The following ESYT3 variants were observed in gnomAD, a reference collection of about 807,000 sequenced individuals.
ESYT3 encodes extended synaptotagmin-3.
Under a neutral mutation model 111.5 loss-of-function variants are expected in ESYT3, and 101 were observed. That is an observed-to-expected ratio of 0.91 (90% CI 0.77 to 1.07). ESYT3 has a LOEUF of 1.07. ESYT3 is among the 50% of genes least tolerant of loss of function. The pLI is 0.00. For synonymous variants in ESYT3, 416 were observed against 446.8 expected (o/e 0.93, Z 0.87); for missense variants, 1,097 against 1,109.4 (o/e 0.99, Z 0.16).
rs1319929708 is a variant in ESYT3 at position 138,435,820 on chromosome 3, C to T, written c.327+695C>T. Among the ~76,000 whole-genome samples, 1 of 152,232 alleles carries T rather than the reference C, an allele frequency of 6.6e-6. No homozygotes were observed. Among genetic ancestry groups the T allele is most frequent in the East Asian group, 1.9e-4 (1 of 5,192 alleles). The stretch of plus-strand genomic sequence containing the variant: ...TACCTAACAAAACCCAAGTTCTGGG[C>T]CCCATTGCATAACTCCCAGGGTGGC... On this transcript the variant is annotated intron_variant, in intron 1 of 22. Transcript: ENST00000389567. The surrounding 1 kb of genome is among the most constrained non-coding windows in gnomAD (Gnocchi z 4.8).
At chr3:138,445,757 C>T (rs1374972215) in intron 1 of ESYT3, among the ~76,000 whole-genome samples, 4 of 152,192 alleles carry the variant, frequency 2.6e-5, no homozygotes, top group African/African-American at 9.7e-5. Context: ...TATTCTGATC[C>T]AGGAAGGATA....
intron 8 of ESYT3, 38 bp from the exon 9 acceptor site, chr3:138,464,307 G>A (rs200551433): frequency 2.5e-6 from 4 of 1,609,318 alleles, no homozygotes; most frequent in East Asian, 4.5e-5. Flanking sequence ...GGAGGCCCCA[G>A]GAAGCAGCTG....
downstream of ESYT3, chr3:138,480,545 A>T (rs1180078616): frequency 6.6e-6 from 1 of 152,018 alleles, no homozygotes; most frequent in East Asian, 1.9e-4. Flanking sequence ...ATACAATGTT[A>T]AAAAAACTGT....
In ESYT3 at chr3:138,472,648, T is replaced by TAA. The variant is rs768240725; in HGVS notation, c.2026_2027insAA (p.Cys676Ter). Residue 676 changes from cysteine (C) to a stop codon, truncating the protein, a stop_gained and frameshift_variant, in exon 18 of 23, where the codon TGT (cysteine) becomes TAAGT (stop). Coordinates refer to ENST00000389567, the MANE Select transcript of ESYT3 (RefSeq NM_031913.5). LOFTEE classifies it high-confidence loss of function. ...PKGKDSAKRFCEPIGEKKSPA... is the reference protein window; with the variant it reads ...PKGKDSAKRF ...AGGCAAGGACAGTGCCAAAAGGTTC[T>TAA]GTGAGCCCATCGGGGAGAAGAAGAG... is the stretch of plus-strand genomic sequence containing the variant. 2 of 1,614,236 alleles carry TAA rather than the reference T, an allele frequency of 1.2e-6. No individual in the cohort carries two copies. Among genetic ancestry groups the TAA allele is most frequent in the South Asian group, 2.2e-5 (2 of 91,084 alleles).
intron 20 of ESYT3, 98 bp from the exon 21 acceptor site, chr3:138,476,125 T>C: frequency 2.6e-6 from 2 of 779,016 alleles, no homozygotes; most frequent in Non-Finnish European, 4.5e-6. Context: ...TAATAGTCTG[T>C]ACCTTTCTGT....
intron 14 of ESYT3, 51 bp from the exon 15 acceptor site, chr3:138,469,385 A>G: frequency 6.5e-7 from 1 of 1,529,392 alleles, no homozygotes; most frequent in Non-Finnish European, 9.1e-7. Flanking sequence ...GACTGTCTCA[A>G]GCTGATATTG....
chr3:138,468,178 A>T lies in ESYT3; in HGVS notation c.1292A>T (p.Gln431Leu). 1 of 1,614,106 alleles carries T rather than the reference A, an allele frequency of 6.2e-7. No individual in the cohort carries two copies. Residue 431 changes from glutamine (Q) to leucine (L), a missense_variant, in exon 12 of 23, where the codon CAA (glutamine) becomes CTA (leucine). Coordinates refer to ENST00000389567, the MANE Select transcript of ESYT3 (RefSeq NM_031913.5). ...RLEWLSLLTD[Q>L]EVLTEDHGGL... Reference sequence around the variant, plus strand: ...GAGTGGCTTTCATTGCTTACTGACCAAGAAGTTCTGACTGAGGTGAGTGTG... The same window carrying T: ...GAGTGGCTTTCATTGCTTACTGACCTAGAAGTTCTGACTGAGGTGAGTGTG...
In ESYT3 at chr3:138,467,546, C is replaced by G. The variant is rs1313634690; in HGVS notation, c.1170-15C>G. On this transcript the variant is annotated splice_polypyrimidine_tract_variant and intron_variant, in intron 10 of 22. Transcript: ENST00000389567. The stretch of plus-strand genomic sequence containing the variant: ...CCTCTGAGCTGACCCAATCCCCTCT[C>G]CCTGTATATTCCAGCCTGCAGATCT... The G allele has an allele frequency of 6.2e-7, 1 of 1,614,114 alleles. No individual in the cohort carries two copies. Among genetic ancestry groups the G allele is most frequent in the Non-Finnish European group, 8.5e-7 (1 of 1,179,978 alleles).
chr3:138,463,053 G>C (rs544931338), intron 8 of ESYT3, among the ~76,000 whole-genome samples: 7 of 152,276 alleles, frequency 4.6e-5, no homozygotes, highest in African/African-American at 1.7e-4. Flanking sequence ...ATAGATGGCA[G>C]CATAGTAGAG....
intron 1 of ESYT3, among the ~76,000 whole-genome samples, chr3:138,441,600 G>A (rs1027076889): frequency 3.3e-5 from 5 of 152,134 alleles, no homozygotes; most frequent in Non-Finnish European, 5.9e-5. Flanking sequence ...GGGAGCAGGG[G>A]CTGAGACCTG....
chr3:138,448,266 TAAAAA>T (rs71146126), intron 1 of ESYT3, among the ~76,000 whole-genome samples: 16 of 44,608 alleles, frequency 3.6e-4, no homozygotes, highest in African/African-American at 1.3e-3. Flanking sequence ...AAACTCGATC[TAAAAA>T]AAAAAAAAAA....
intron 1 of ESYT3, among the ~76,000 whole-genome samples, chr3:138,439,631 A>C (rs908362379): frequency 5.3e-5 from 8 of 152,118 alleles, no homozygotes; most frequent in African/African-American, 1.9e-4. Context: ...TCATTCAGCC[A>C]TTGATCAGTG....
In ESYT3 at chr3:138,457,586, G is replaced by T; in HGVS notation, c.523G>T (p.Val175Phe). 1 of 1,614,180 alleles carries T rather than the reference G, an allele frequency of 6.2e-7. No individual in the cohort carries two copies. The highest frequency in any genetic ancestry group is 8.5e-7 in the Non-Finnish European group (1 of 1,180,028). The change falls in exon 4 of 23, where the codon GTC (valine) becomes TTC (phenylalanine). Residue 175 changes from valine (V) to phenylalanine (F), a missense_variant. Val to Phe is a conservative substitution (Grantham distance 50, BLOSUM62 -1). Coordinates refer to ENST00000389567, the MANE Select transcript of ESYT3 (RefSeq NM_031913.5). ...FGQKCPRVNG[V>F]KAHTNTCNRR... ...CTTCCAGTGTCCCAGGGTCAACGGTGTCAAGGCACACACTAATACGTGCAA... is the reference window on the plus strand; with the variant it reads ...CTTCCAGTGTCCCAGGGTCAACGGTTTCAAGGCACACACTAATACGTGCAA...
rs2032673924 is a variant in ESYT3 at position 138,462,097 on chromosome 3, A to T, written c.806A>T (p.Asp269Val). The T allele has an allele frequency of 6.2e-7, 1 of 1,614,004 alleles. No individual in the cohort carries two copies. Among genetic ancestry groups the T allele is most frequent in the African/African-American group, 1.3e-5 (1 of 74,906 alleles). Residue 269 changes from aspartate (D) to valine (V), a missense_variant, in exon 8 of 23, where the codon GAC becomes GTC. Asp to Val is a radical substitution (Grantham distance 152). Transcript: ENST00000389567. ...TGCCTTGTGTCCAGTGATGTGTCAG[A>T]CAGCTTACTGGAGGACCTCATTGCC... ...LDAPGINDVS[D>V]SLLEDLIATH... is the part of the protein sequence containing the mutation.
chr3:138,473,124 TATACTG>T, intron 18 of ESYT3: 1 of 1,371,868 alleles, frequency 7.3e-7, no homozygotes, highest in Non-Finnish European at 9.4e-7. Flanking sequence ...ACCATTGAGT[TATACTG>T]GGATGACATG....
Position 138,462,138 on chromosome 3 carries a change from C to T in ESYT3, c.847C>T (p.Pro283Ser), listed in dbSNP as rs764765615. 3 of 1,614,178 alleles carry T rather than the reference C, an allele frequency of 1.9e-6. No homozygotes were observed. Among genetic ancestry groups the T allele is most frequent in the Non-Finnish European group, 2.5e-6 (3 of 1,180,028 alleles). Residue 283 changes from proline to serine, a missense_variant, in exon 8 of 23, where the codon CCC becomes TCC. By Grantham distance (74) the Pro-to-Ser change is moderately conservative. Transcript: ENST00000389567. ...EDLIATHLVL[P>S]NRVTVPVKKG... ...CCTCATTGCCACCCACCTGGTGCTG[C>T]CCAACCGTGTGACTGTGCCTGTGAA...
chr3:138,473,799 AG>A (rs970477061), intron 19 of ESYT3, among the ~76,000 whole-genome samples, 165 bp downstream of exon 19: 43 of 152,196 alleles, frequency 2.8e-4, no homozygotes, highest in African/African-American at 1.0e-3. Flanking sequence ...AAGTCCTCAA[AG>A]GGGCACTTTG....
At chr3:138,474,475 T>G in intron 20 of ESYT3, 123 bp downstream of exon 20, 6 of 1,115,140 alleles carry the variant, frequency 5.4e-6, no homozygotes, top group South Asian at 1.9e-5. Context: ...GACAACATAG[T>G]CTATGACTTC....
rs896581766 is a variant in ESYT3, at chr3:138,434,740, G to A, written c.-59G>A. ...GGGAGACAGATGCGCATGGGCGTGG[G>A]GGCATGCGGACCTAAGCTCGGGTGA... On this transcript the variant is annotated 5_prime_UTR_variant, in exon 1 of 23. Transcript: ENST00000389567. The A allele has an allele frequency of 7.2e-7, 1 of 1,390,474 alleles. No individual in the cohort carries two copies. 86.1% of individuals were successfully genotyped at this position (1,390,474 alleles called of 1,614,324 possible). A position where few individuals can be genotyped will look rare whatever the true frequency, so the allele number is the denominator to read the frequency against.
Sources: allele counts gnomAD v4.1 joint callset (sites outside exome capture counted in the v4.1 genomes callset), GRCh38; gene constraint gnomAD v4.1.1; non-coding constraint Gnocchi (gnomAD v3.1); transcripts MANE v1.5; gene names NCBI Gene and HGNC (gene_info 2026-07-23, HGNC 2026-07-21).